NSL1: variants seen among roughly 807,000 people sequenced by gnomAD.
The protein encoded by NSL1 is kinetochore-associated protein NSL1 homolog.
In NSL1, 11 loss-of-function variants were observed where a neutral mutation model predicts 25.4. The observed-to-expected ratio is 0.43, with a 90% CI of 0.27 to 0.72. The LOEUF is 0.72. NSL1 is among the 30% of genes least tolerant of loss of function. The pLI is 0.19. For synonymous variants in NSL1, 118 were observed against 120.6 expected, an observed-to-expected ratio of 0.98 and a Z score of 0.14; for missense variants, 330 against 342.7, an observed-to-expected ratio of 0.96 and a Z score of 0.29.
At chr1:212,743,468 GT>G (rs34183694) in intron 4 of NSL1, among the ~76,000 whole-genome samples, 150 of 142,208 alleles carry the variant, frequency 1.1e-3, no homozygotes, top group East Asian at 1.8e-3. Flanking sequence ...TGGCTTATTT[GT>G]TTTTTTTTTT....
At chr1:212,772,864 T>C (rs1165149434) in intron 4 of NSL1, among the ~76,000 whole-genome samples, 4 of 151,954 alleles carry the variant, frequency 2.6e-5, no homozygotes, top group African/African-American at 7.3e-5. Context: ...CATGGACCAG[T>C]GGAACAGAAC....
intron 4 of NSL1, among the ~76,000 whole-genome samples, chr1:212,779,473 T>G (rs1319216614): frequency 1.2e-5 from 1 of 81,228 alleles, no homozygotes. Flanking sequence ...GAGGAGCCCC[T>G]CTGCACGGCC....
At chr1:212,757,069 G>C (rs1224899896) in intron 4 of NSL1, among the ~76,000 whole-genome samples, 1 of 152,210 alleles carries the variant, frequency 6.6e-6, no homozygotes, top group East Asian at 1.9e-4. Flanking sequence ...TGAATGAAGT[G>C]CAAGAGTCAG....
intron 4 of NSL1, among the ~76,000 whole-genome samples, chr1:212,743,455 G>A (rs541575510): frequency 1.8e-4 from 27 of 147,812 alleles, no homozygotes; most frequent in Middle Eastern, 3.5e-3. Flanking sequence ...GAACCACAGC[G>A]CCTGGCTTAT....
At chr1:212,786,447 A>G (rs1660950091) in intron 2 of NSL1, among the ~76,000 whole-genome samples, 1 of 152,132 alleles carries the variant, frequency 6.6e-6, no homozygotes, top group Admixed American at 6.6e-5. Flanking sequence ...TCTCCCAGGT[A>G]AATCTTTTTT....
intron 4 of NSL1, chr1:212,781,944 A>G (rs937202959): frequency 1.0e-5 from 4 of 396,902 alleles, no homozygotes; most frequent in Non-Finnish European, 2.0e-5. Context: ...ATTTCTTCTT[A>G]AATTCAATAT....
intron 4 of NSL1, among the ~76,000 whole-genome samples, chr1:212,755,737 A>G (rs987480440): frequency 1.3e-5 from 2 of 151,732 alleles, no homozygotes; most frequent in African/African-American, 4.8e-5. Context: ...TATATTTCAT[A>G]TAAATATGAA....
intron 4 of NSL1, among the ~76,000 whole-genome samples, chr1:212,772,947 G>A (rs1171354156): frequency 6.6e-6 from 1 of 152,142 alleles, no homozygotes; most frequent in South Asian, 2.1e-4. Context: ...AATGGGGAAA[G>A]GACACCCTCT....
chr1:212,756,459 A>C (rs950394883), intron 4 of NSL1, among the ~76,000 whole-genome samples: 3 of 152,208 alleles, frequency 2.0e-5, no homozygotes, highest in African/African-American at 7.2e-5. Flanking sequence ...AATCCTATTT[A>C]TATAAAATTA....
intron 4 of NSL1, among the ~76,000 whole-genome samples, chr1:212,765,671 A>C (rs186201771): frequency 6.6e-6 from 1 of 152,008 alleles, no homozygotes; most frequent in Admixed American, 6.6e-5. Flanking sequence ...AAATACAAAA[A>C]TTAGCATGCC....
intron 5 of NSL1, 44 bp downstream of exon 5, chr1:212,739,490 T>A (rs377598453): frequency 6.3e-7 from 1 of 1,579,578 alleles, no homozygotes; most frequent in Non-Finnish European, 8.7e-7. Context: ...TACCTAGCCA[T>A]ACATTTTGTT....
At chr1:212,772,180 C>G (rs982094019) in intron 4 of NSL1, among the ~76,000 whole-genome samples, 1 of 152,146 alleles carries the variant, frequency 6.6e-6, no homozygotes, top group Non-Finnish European at 1.5e-5. Flanking sequence ...TTATAAATTA[C>G]CCAGTGTCAG....
intron 4 of NSL1, among the ~76,000 whole-genome samples, chr1:212,781,649 T>C (rs1458779780): frequency 1.3e-5 from 2 of 152,194 alleles, no homozygotes; most frequent in Non-Finnish European, 2.9e-5. Flanking sequence ...AGTATAAATA[T>C]CCCATATAAA....
At chr1:212,751,648 T>C (rs1178238003) in intron 4 of NSL1, among the ~76,000 whole-genome samples, 1 of 152,216 alleles carries the variant, frequency 6.6e-6, no homozygotes, top group Non-Finnish European at 1.5e-5. Flanking sequence ...TACCTTTTTT[T>C]CTTTTTAAAT....
At chr1:212,781,572 T>C (rs753280866) in intron 4 of NSL1, among the ~76,000 whole-genome samples, 2 of 152,178 alleles carry the variant, frequency 1.3e-5, no homozygotes, top group Non-Finnish European at 2.9e-5. Context: ...TAGCTTAGGA[T>C]ATTTGGGGAA....
chr1:212,743,019 A>G (rs999209823), intron 4 of NSL1, among the ~76,000 whole-genome samples: 1 of 152,212 alleles, frequency 6.6e-6, no homozygotes, highest in Non-Finnish European at 1.5e-5. Context: ...TAAATACTGC[A>G]TTTAATTAAA....
rs147481431 is a variant in NSL1 at position 212,757,144 on chromosome 1, T to C, written c.500-17543A>G. Among the ~76,000 whole-genome samples the C allele has an allele frequency of 8.9e-4, 135 of 152,226 alleles. 2 individuals carry two copies. The East Asian group carries it at 0.023, about 26-fold the overall frequency. On this transcript the variant is annotated intron_variant, in intron 4 of 5. Coordinates refer to ENST00000366977, the MANE Select transcript of NSL1 (RefSeq NM_015471.4). ...GCGAGTATGAAAGTCGTAGGGCCAG[T>C]GTGTTCTTGGTATGTCCTGAAATAG...
At chr1:212,764,950 T>A (rs1272823722) in intron 4 of NSL1, among the ~76,000 whole-genome samples, 1 of 149,442 alleles carries the variant, frequency 6.7e-6, no homozygotes, top group African/African-American at 2.5e-5. Context: ...AAGGCTACTA[T>A]GAACACCTTT....
intron 4 of NSL1, among the ~76,000 whole-genome samples, chr1:212,744,294 C>A (rs1658653690): frequency 6.6e-6 from 1 of 152,176 alleles, no homozygotes; most frequent in Middle Eastern, 3.2e-3. Context: ...ATGGAGACTT[C>A]AGTGACTACA....
Sources: allele counts gnomAD v4.1 joint callset (sites outside exome capture counted in the v4.1 genomes callset), GRCh38; gene constraint gnomAD v4.1.1; transcripts MANE v1.5; gene names NCBI Gene and HGNC (gene_info 2026-07-23, HGNC 2026-07-21).